The following CRB1 variants were observed in gnomAD, a reference collection of about 807,000 sequenced individuals.
The protein encoded by CRB1 is protein crumbs homolog 1.
A neutral mutation model predicts 120.0 loss-of-function variants in CRB1; 83 were observed. That is an observed-to-expected ratio of 0.69 (90% confidence interval 0.58 to 0.83). The LOEUF (loss-of-function observed/expected upper bound fraction) is 0.83, where lower values mean the gene tolerates loss of function less well. Among genes scored for constraint, CRB1 ranks in the 40% least tolerant of loss-of-function variants. The pLI, the probability that CRB1 is intolerant of heterozygous loss-of-function variation, is 0.00. For synonymous variants in CRB1, 625 were observed against 612.5 expected (o/e 1.02, Z -0.30); for missense variants, 1,699 against 1,687.6 (o/e 1.01, Z -0.12).
At chr1:197,463,580 C>G (rs749777350) in intron 11 of CRB1, among the ~76,000 whole-genome samples, 1 of 152,046 alleles carries the variant, frequency 6.6e-6, no homozygotes, top group East Asian at 1.9e-4. Context: ...TGCAGCTGTG[C>G]GTAATTAAAC....
chr1:197,252,726 C>T, the CRB1 span, among the ~76,000 whole-genome samples: 1 of 149,998 alleles, frequency 6.7e-6, no homozygotes, highest in Admixed American at 6.7e-5. Context: ...CTATGAACTG[C>T]ATACTACAAG....
intron 11 of CRB1, among the ~76,000 whole-genome samples, chr1:197,452,602 G>A (rs1297356420): frequency 6.6e-6 from 1 of 152,048 alleles, no homozygotes; most frequent in African/African-American, 2.4e-5. Flanking sequence ...TATAGACGGG[G>A]GAAATAAGAT....
intron 5 of CRB1, chr1:197,364,069 C>T (rs988588830): frequency 6.9e-6 from 9 of 1,310,114 alleles, no homozygotes; most frequent in Admixed American, 1.7e-5. Context: ...AGATCCGTGG[C>T]GGGGCTGCTG....
At chr1:197,371,425 C>G (rs1306985394) in intron 5 of CRB1, among the ~76,000 whole-genome samples, 1 of 152,088 alleles carries the variant, frequency 6.6e-6, no homozygotes, top group Non-Finnish European at 1.5e-5. Context: ...CCAAGATGAG[C>G]CTTTTTAAAT....
intron 1 of CRB1, among the ~76,000 whole-genome samples, chr1:197,327,114 A>T (rs1165112155): frequency 1.5e-5 from 2 of 133,810 alleles, no homozygotes; most frequent in Non-Finnish European, 3.2e-5. Context: ...AAAAAAAAAA[A>T]AAAAAAAAAA....
At chr1:197,437,093 A>T (rs1665198277) in intron 9 of CRB1, among the ~76,000 whole-genome samples, 1 of 152,136 alleles carries the variant, frequency 6.6e-6, no homozygotes, top group Non-Finnish European at 1.5e-5. Context: ...TTACTAAATA[A>T]TTGAGTCATT....
intron 3 of CRB1, 101 bp from the exon 4 acceptor site, chr1:197,347,239 T>G (rs1250091908): frequency 2.9e-6 from 3 of 1,027,428 alleles, no homozygotes; most frequent in Non-Finnish European, 3.1e-6. Flanking sequence ...AGTAAGATGA[T>G]GCCATGGGTC....
chr1:197,207,750 T>C, the CRB1 span, among the ~76,000 whole-genome samples: 3 of 152,284 alleles, frequency 2.0e-5, no homozygotes, highest in African/African-American at 7.2e-5. Flanking sequence ...TTCTTGTATT[T>C]GGATGTTTAT....
intron 5 of CRB1, chr1:197,363,703 T>A (rs1300019894): frequency 7.1e-6 from 3 of 423,020 alleles, no homozygotes; most frequent in African/African-American, 6.1e-5. Context: ...CAAGCCCTTT[T>A]GGAACTGTGT....
the CRB1 span, among the ~76,000 whole-genome samples, chr1:197,221,625 A>C: frequency 6.6e-6 from 1 of 152,240 alleles, no homozygotes; most frequent in Non-Finnish European, 1.5e-5. Context: ...ACTGATTAGT[A>C]GTAGCTGTGG....
chr1:197,228,028 C>A, the CRB1 span, among the ~76,000 whole-genome samples: 1 of 152,184 alleles, frequency 6.6e-6, no homozygotes, highest in Non-Finnish European at 1.5e-5. Flanking sequence ...ACACAGGGCA[C>A]CAAGTCCCTA....
intron 11 of CRB1, 44 bp downstream of exon 11, chr1:197,442,336 ATC>A (rs755377746): frequency 6.2e-7 from 1 of 1,613,808 alleles, no homozygotes; most frequent in South Asian, 1.1e-5. Context: ...TTCTGGCAGA[ATC>A]TTTTTCAGCT....
At position 197,405,155 on chromosome 1, in the gene CRB1, C is replaced by A. The variant is rs572461858; in HGVS notation, c.1172-15845C>A. 7.0e-4 allele frequency among the ~76,000 whole-genome samples: 106 copies of A among 152,186 alleles called. No homozygotes were observed. The East Asian group carries it at 0.02, about 28-fold the overall frequency. On this transcript the variant is annotated intron_variant, in intron 5 of 11. Coordinates refer to ENST00000367400, the MANE Select transcript of CRB1 (RefSeq NM_201253.3). ...AAGCTGGACTGTACTGCTGCCATCT[C>A]GGCTCACTGCAACCTCCCTGCCTGA...
At chr1:197,330,179 A>G (rs1286995533) in intron 2 of CRB1, among the ~76,000 whole-genome samples, 1 of 152,130 alleles carries the variant, frequency 6.6e-6, no homozygotes, top group Non-Finnish European at 1.5e-5. Context: ...CCTCCTTTAC[A>G]TACAACCAGT....
At chr1:197,241,186 C>A in the CRB1 span, among the ~76,000 whole-genome samples, 1 of 152,192 alleles carries the variant, frequency 6.6e-6, no homozygotes. Flanking sequence ...TTTTGCTGTG[C>A]AGAAGCTCTT....
the CRB1 span, among the ~76,000 whole-genome samples, chr1:197,225,173 C>T: frequency 6.6e-6 from 1 of 152,004 alleles, no homozygotes; most frequent in African/African-American, 2.4e-5. Context: ...AGAACTCCAC[C>T]GAGATGGCCT....
chr1:197,429,084 C>A (rs746121069), intron 7 of CRB1: 109 of 1,505,456 alleles, frequency 7.2e-5, no homozygotes, highest in African/African-American at 1.4e-5. Flanking sequence ...GAAACACCTT[C>A]TTTTTATCAT....
intron 1 of CRB1, among the ~76,000 whole-genome samples, chr1:197,274,600 C>T (rs369194550): frequency 7.9e-5 from 12 of 152,280 alleles, no homozygotes; most frequent in African/African-American, 2.9e-4. Context: ...TCTCTACACC[C>T]TTGATTCTCT....
intron 5 of CRB1, among the ~76,000 whole-genome samples, chr1:197,407,096 G>A (rs4915241): frequency 0.39 from 59,074 of 152,112 alleles, 14,097 homozygotes; most frequent in East Asian, 0.66. Flanking sequence ...GTCAGCCTAT[G>A]TTTGCTACAA....
Sources: gnomAD v4.1 joint callset for allele counts (sites outside exome capture counted in the v4.1 genomes callset) on GRCh38, gnomAD v4.1.1 for gene constraint, MANE v1.5 for transcripts, NCBI Gene and HGNC (gene_info 2026-07-23, HGNC 2026-07-21) for gene names.